RALGAPA1: variants seen among roughly 807,000 people sequenced by gnomAD.
RALGAPA1 encodes the protein ral GTPase-activating protein subunit alpha-1.
Under a neutral mutation model 269.6 loss-of-function variants are expected in RALGAPA1, and 52 were observed. The ratio of observed to expected loss-of-function variants is 0.19; its 90% CI spans 0.15 to 0.24. The LOEUF is 0.24. Ranked by LOEUF, RALGAPA1 falls within the 10% of genes least tolerant of loss-of-function variation. The pLI, the probability that RALGAPA1 is intolerant of heterozygous loss-of-function variation, is 1.00. For synonymous variants in RALGAPA1, 817 were observed against 1,008.3 expected, an observed-to-expected ratio of 0.81 and a Z score of 3.60; for missense variants, 1,917 against 3,013.9, an observed-to-expected ratio of 0.64 and a Z score of 8.52.
At chr14:35,737,849 G>A (rs536263978) in intron 12 of RALGAPA1, among the ~76,000 whole-genome samples, 1 of 149,412 alleles carries the variant, frequency 6.7e-6, no homozygotes, top group East Asian at 2.0e-4. Flanking sequence ...CACTTTGGGA[G>A]GCTGAAGCGG....
chr14:35,701,211 A>T (rs1034247359), intron 16 of RALGAPA1, among the ~76,000 whole-genome samples: 1 of 152,204 alleles, frequency 6.6e-6, no homozygotes, highest in East Asian at 1.9e-4. Context: ...AAAAACATTT[A>T]TTTCAAGGAT....
At chr14:35,548,433 G>T in intron 41 of RALGAPA1, 75 bp downstream of exon 41, 3 of 1,017,210 alleles carry the variant, frequency 2.9e-6, no homozygotes, top group Non-Finnish European at 2.9e-6. Context: ...TAAGTTACAA[G>T]CTTAGAGCCT....
chr14:35,652,383 T>TATATATATATATATACAC (rs968163110), intron 30 of RALGAPA1, among the ~76,000 whole-genome samples: 1 of 148,696 alleles, frequency 6.7e-6, no homozygotes, highest in African/African-American at 2.5e-5. Flanking sequence ...TATATATATA[T>TATATATATATATATACAC]ACACACACAC....
At chr14:35,715,676 G>C (rs1310096074) in intron 16 of RALGAPA1, 1 of 973,204 alleles carries the variant, frequency 1.0e-6, no homozygotes, top group Non-Finnish European at 1.2e-6. Context: ...ATTTGTGTTT[G>C]CTTGTACAAC....
intron 31 of RALGAPA1, among the ~76,000 whole-genome samples, chr14:35,645,594 G>C (rs557635751): frequency 6.6e-6 from 1 of 152,050 alleles, no homozygotes; most frequent in East Asian, 1.9e-4. Flanking sequence ...AGCCAGGCGT[G>C]GTGGCGGGCG....
intron 17 of RALGAPA1, among the ~76,000 whole-genome samples, chr14:35,695,779 T>C (rs1207801900): frequency 2.0e-5 from 3 of 152,208 alleles, no homozygotes; most frequent in African/African-American, 4.8e-5. Context: ...GTAAAAGTAA[T>C]TTGCTTAAGA....
At chr14:35,766,719 G>A (rs1315182837) in intron 4 of RALGAPA1, 3 of 560,742 alleles carry the variant, frequency 5.4e-6, no homozygotes, top group Non-Finnish European at 1.1e-5. Context: ...TTTCATCAAA[G>A]CACAGAAAGT....
intron 39 of RALGAPA1, among the ~76,000 whole-genome samples, chr14:35,567,925 C>G (rs925603576): frequency 1.7e-4 from 26 of 152,070 alleles, no homozygotes; most frequent in Admixed American, 7.9e-4. Context: ...TCAATTGCAC[C>G]TTTAATGAAA....
chr14:35,561,634 G>C (rs2056268196), intron 39 of RALGAPA1, among the ~76,000 whole-genome samples: 1 of 149,202 alleles, frequency 6.7e-6, no homozygotes, highest in Non-Finnish European at 1.5e-5. Context: ...CAAGCCTCCT[G>C]AGTAGCTGGG....
At chr14:35,586,110 T>C (rs1463015858) in intron 37 of RALGAPA1, among the ~76,000 whole-genome samples, 2 of 152,230 alleles carry the variant, frequency 1.3e-5, no homozygotes, top group African/African-American at 4.8e-5. Flanking sequence ...TATTTGTTTG[T>C]GTCCTCTTTT....
intron 7 of RALGAPA1, among the ~76,000 whole-genome samples, chr14:35,754,118 T>A (rs934069597): frequency 2.6e-5 from 4 of 152,178 alleles, no homozygotes; most frequent in African/African-American, 9.7e-5. Flanking sequence ...ACCACAGACC[T>A]TAATGTAAAA....
intron 35 of RALGAPA1, among the ~76,000 whole-genome samples, chr14:35,618,529 A>T (rs534147305): frequency 6.6e-6 from 1 of 152,286 alleles, no homozygotes; most frequent in African/African-American, 2.4e-5. Context: ...GAAACAGAAG[A>T]GTTGTTTTCA....
chr14:35,655,733 T>C lies in RALGAPA1; in HGVS notation c.5496+74A>G. The C allele has an allele frequency of 4.6e-6, 7 of 1,538,122 alleles. No individual in the cohort carries two copies. The East Asian group carries it at 1.4e-4, about 30-fold the overall frequency. On this transcript the variant is annotated intron_variant, in intron 29 of 41. Coordinates refer to ENST00000680220, the MANE Select transcript of RALGAPA1 (RefSeq NM_001346249.2). ...AACATTTACTAAATGTTACACAAGA[T>C]ACCATTAATATTTGGAGAAAAAAAT...
At chr14:35,763,725 A>T (rs2073912699) in intron 4 of RALGAPA1, among the ~76,000 whole-genome samples, 1 of 151,776 alleles carries the variant, frequency 6.6e-6, no homozygotes, top group Non-Finnish European at 1.5e-5. Context: ...TACCGTAATA[A>T]ATAGTTATTG....
chr14:35,576,754 A>G (rs1245547691), intron 37 of RALGAPA1, among the ~76,000 whole-genome samples: 1 of 152,240 alleles, frequency 6.6e-6, no homozygotes, highest in Non-Finnish European at 1.5e-5. Context: ...GAAGCTTAAA[A>G]GGATGAAGTA....
At chr14:35,591,865 G>A (rs1257880575) in intron 37 of RALGAPA1, among the ~76,000 whole-genome samples, 1 of 152,146 alleles carries the variant, frequency 6.6e-6, no homozygotes, top group Non-Finnish European at 1.5e-5. Context: ...GGTTTCACCT[G>A]TACTGTTCTT....
In RALGAPA1 at chr14:35,627,695, A is replaced by G. The variant is rs778325785; in HGVS notation, c.6252T>C (p.Asn2084=). The G allele has an allele frequency of 6.2e-7, 1 of 1,604,404 alleles. No individual in the cohort carries two copies. The highest frequency in any genetic ancestry group is 1.1e-5 in the South Asian group (1 of 88,800). ...VSCIQIRSEE[N]MPGGGLSAGL... Reference sequence around the variant, plus strand: ...CAGCAGATAAACCTCCTCCAGGCATATTCTCTTCTGATCTGATCTGGATAC... The same window carrying G: ...CAGCAGATAAACCTCCTCCAGGCATGTTCTCTTCTGATCTGATCTGGATAC... The change falls in exon 34 of 42, where the codon AAT becomes AAC. Residue 2084 remains asparagine (N), a synonymous_variant. Transcript: ENST00000680220.
intron 37 of RALGAPA1, among the ~76,000 whole-genome samples, chr14:35,577,646 C>T (rs2057667495): frequency 6.6e-6 from 1 of 152,190 alleles, no homozygotes; most frequent in African/African-American, 2.4e-5. Flanking sequence ...TGCACTCATT[C>T]TCCATGATTA....
At chr14:35,802,623 A>G (rs1399108191) in intron 1 of RALGAPA1, among the ~76,000 whole-genome samples, 1 of 151,236 alleles carries the variant, frequency 6.6e-6, no homozygotes, top group Non-Finnish European at 1.5e-5. Context: ...ATTCAACATA[A>G]TCCCAACCAA....
Sources: gnomAD v4.1 joint callset for allele counts (sites outside exome capture counted in the v4.1 genomes callset) on GRCh38, gnomAD v4.1.1 for gene constraint, MANE v1.5 for transcripts, NCBI Gene and HGNC (gene_info 2026-07-23, HGNC 2026-07-21) for gene names.